DYNC1I2: variants seen among roughly 807,000 people sequenced by gnomAD.
DYNC1I2 encodes cytoplasmic dynein 1 intermediate chain 2.
Under a neutral mutation model 88.6 loss-of-function variants are expected in DYNC1I2, and 53 were observed. The observed-to-expected ratio is 0.60, with a 90% confidence interval of 0.48 to 0.75. DYNC1I2 has a LOEUF of 0.75. Ranked by LOEUF, DYNC1I2 falls within the 30% of genes least tolerant of loss-of-function variation. The pLI is 0.00. For synonymous variants in DYNC1I2, 198 were observed against 254.6 expected, an observed-to-expected ratio of 0.78 and a Z score of 2.12; for missense variants, 458 against 766.6, an observed-to-expected ratio of 0.60 and a Z score of 4.75.
chr2:171,735,465 C>T (rs1688939096), intron 15 of DYNC1I2, among the ~76,000 whole-genome samples: 1 of 152,154 alleles, frequency 6.6e-6, no homozygotes, highest in South Asian at 2.1e-4. Context: ...ATTAGGAACG[C>T]TCAACCATAA....
intron 15 of DYNC1I2, among the ~76,000 whole-genome samples, chr2:171,737,803 T>C (rs1249784442): frequency 7.3e-6 from 1 of 137,658 alleles, no homozygotes; most frequent in East Asian, 2.0e-4. Context: ...ACTGAGTAGA[T>C]GATTTTTTTT....
chr2:171,691,212 T>A (rs1685382017), intron 2 of DYNC1I2, among the ~76,000 whole-genome samples: 1 of 152,214 alleles, frequency 6.6e-6, no homozygotes, highest in African/African-American at 2.4e-5. Context: ...ACCAGGTACT[T>A]CTTTTGATTT....
At chr2:171,702,451 A>G (rs1686332288) in intron 3 of DYNC1I2, among the ~76,000 whole-genome samples, 1 of 152,222 alleles carries the variant, frequency 6.6e-6, no homozygotes, top group African/African-American at 2.4e-5. Flanking sequence ...CAGGATACGG[A>G]TGAAGGCCAT....
At chr2:171,707,258 A>G (rs756492230) in intron 4 of DYNC1I2, 29 bp from the exon 5 acceptor site, 1 of 1,613,688 alleles carries the variant, frequency 6.2e-7, no homozygotes, top group East Asian at 2.2e-5. Context: ...GTGTAGTAAC[A>G]GCGGATACCT....
At chr2:171,729,154 A>G (rs1688443186) in intron 14 of DYNC1I2, among the ~76,000 whole-genome samples, 1 of 152,178 alleles carries the variant, frequency 6.6e-6, no homozygotes, top group Non-Finnish European at 1.5e-5. Context: ...ATTGACCTAT[A>G]GACTTATAAA....
intron 7 of DYNC1I2, among the ~76,000 whole-genome samples, chr2:171,720,869 T>C (rs919738284): frequency 6.6e-6 from 1 of 152,166 alleles, no homozygotes; most frequent in East Asian, 1.9e-4. Flanking sequence ...TTAATCTTGA[T>C]TGAAAGACTA....
At chr2:171,724,483 GAC>G (rs1333237728) in intron 7 of DYNC1I2, among the ~76,000 whole-genome samples, 5 of 152,202 alleles carry the variant, frequency 3.3e-5, no homozygotes, top group African/African-American at 1.2e-4. Context: ...GTAGCAGAAA[GAC>G]ACAATCCCAG....
intron 1 of DYNC1I2, chr2:171,688,153 C>T (rs1685108111): frequency 6.6e-6 from 1 of 152,346 alleles, no homozygotes; most frequent in Non-Finnish European, 1.5e-5. Context: ...TTGGCCGTGA[C>T]CCCAGGGGAG....
chr2:171,744,371 G>A (rs948911212), intron 16 of DYNC1I2, among the ~76,000 whole-genome samples, 182 bp downstream of exon 16: 1 of 152,188 alleles, frequency 6.6e-6, no homozygotes, highest in African/African-American at 2.4e-5. Flanking sequence ...AAGAACTAAA[G>A]GGAGAAATAA....
intron 7 of DYNC1I2, among the ~76,000 whole-genome samples, chr2:171,720,684 T>C (rs1687840115): frequency 6.6e-6 from 1 of 152,190 alleles, no homozygotes; most frequent in Non-Finnish European, 1.5e-5. Flanking sequence ...TGAGCCACGA[T>C]TGTGCCATTG....
chr2:171,691,982 T>C (rs921192972), intron 2 of DYNC1I2, among the ~76,000 whole-genome samples: 2 of 152,216 alleles, frequency 1.3e-5, no homozygotes, highest in African/African-American at 4.8e-5. Flanking sequence ...TTAATTTTTC[T>C]GATGACTTTT....
chr2:171,697,557 C>G (rs981117898), intron 3 of DYNC1I2, among the ~76,000 whole-genome samples: 1 of 151,904 alleles, frequency 6.6e-6, no homozygotes, highest in Non-Finnish European at 1.5e-5. Flanking sequence ...ACCTGTCATC[C>G]CATTACTTTG....
At chr2:171,699,591 AGTGTGTGTGTGTGTGTGTGTGTGTGT>A (rs3223500) in intron 3 of DYNC1I2, among the ~76,000 whole-genome samples, 1 of 137,734 alleles carries the variant, frequency 7.3e-6, no homozygotes, top group East Asian at 2.2e-4. Context: ...CATCATTTGG[AGTGTGTGTGTGTGTGTGTGTGTGTGT>A]GTGTGTGTGT....
At chr2:171,732,526 A>G (rs1007357298) in intron 15 of DYNC1I2, among the ~76,000 whole-genome samples, 4 of 152,180 alleles carry the variant, frequency 2.6e-5, no homozygotes, top group African/African-American at 7.2e-5. Context: ...CCTGTGGTAA[A>G]ACTGGTTTTG....
rs1273685883 is a variant in DYNC1I2, at chr2:171,690,136, A to ATGTT, written c.-9-9_-9-6dup. The ATGTT allele has an allele frequency of 3.3e-6, 5 of 1,499,774 alleles. No homozygotes were observed. In the East Asian group the frequency reaches 7.3e-5, roughly 22 times the overall value. The allele number at this position is 1,499,774 out of a possible 1,614,324, so 92.9% of individuals were successfully genotyped here. Reference sequence around the variant, plus strand: ...CTGCTTTTACTAACATAATGATTATATGTTTCTAAGGTCACAAACATGTCA... The same window carrying ATGTT: ...CTGCTTTTACTAACATAATGATTATATGTTTGTTTCTAAGGTCACAAACATGTCA... On this transcript the variant is annotated splice_polypyrimidine_tract_variant and intron_variant, in intron 1 of 17. Transcript: ENST00000397119.
chr2:171,718,502 T>C (rs2678155), intron 7 of DYNC1I2, among the ~76,000 whole-genome samples: 45,635 of 151,608 alleles, frequency 0.3, 7,277 homozygotes, highest in African/African-American at 0.41. Context: ...GGCACGATCT[T>C]GGCTCACTGC....
In DYNC1I2 at chr2:171,728,438, C is replaced by T. The variant is rs762562650; in HGVS notation, c.1257+20C>T. The stretch of plus-strand genomic sequence containing the variant: ...CCACAGGTGGGTTAAACTTGGGAAA[C>T]TGAAATTTTGAGGCAAATGTTATGT... On this transcript the variant is annotated intron_variant, in intron 13 of 17. Transcript: ENST00000397119. The T allele has an allele frequency of 6.8e-7, 1 of 1,469,014 alleles. No individual in the cohort carries two copies. The highest frequency in any genetic ancestry group is 1.2e-5 in the South Asian group (1 of 80,476). 91.0% of individuals were successfully genotyped at this position (1,469,014 alleles called of 1,614,324 possible).
chr2:171,710,699 C>CTT (rs1247084022), intron 5 of DYNC1I2, among the ~76,000 whole-genome samples: 2 of 138,976 alleles, frequency 1.4e-5, no homozygotes, highest in African/African-American at 2.6e-5. Flanking sequence ...TCCTTTTTTC[C>CTT]TTTTTTTTTT....
chr2:171,701,739 C>T (rs1009522621), intron 3 of DYNC1I2, among the ~76,000 whole-genome samples: 1 of 152,060 alleles, frequency 6.6e-6, no homozygotes, highest in Admixed American at 6.6e-5. Context: ...AGTTATAAGA[C>T]AGTGGGGAAG....
Sources: allele counts gnomAD v4.1 joint callset (sites outside exome capture counted in the v4.1 genomes callset), GRCh38; gene constraint gnomAD v4.1.1; transcripts MANE v1.5; gene names NCBI Gene and HGNC (gene_info 2026-07-23, HGNC 2026-07-21).